The following BCAT2 variants were observed in gnomAD, a reference collection of about 807,000 sequenced individuals.
BCAT2 encodes the protein branched chain amino acid transaminase 2, also known as branched-chain-amino-acid aminotransferase, mitochondrial.
In BCAT2, 44 loss-of-function variants were observed where a neutral mutation model predicts 52.9. The observed-to-expected ratio is 0.83, with a 90% CI of 0.65 to 1.07. The LOEUF is 1.07. Ranked by LOEUF, BCAT2 falls within the 50% of genes least tolerant of loss-of-function variation. The probability of loss-of-function intolerance (pLI) is 0.00; values close to 1 mark genes in which losing one functional copy is unlikely to be tolerated. For missense variants in BCAT2, 478 were observed against 521.8 expected, an observed-to-expected ratio of 0.92 and a Z score of 0.82; for synonymous variants, 215 against 217.1, an observed-to-expected ratio of 0.99 and a Z score of 0.08.
intron 10 of BCAT2, among the ~76,000 whole-genome samples, 167 bp from the exon 11 acceptor site, chr19:48,795,631 G>C (rs1310860990): frequency 6.6e-6 from 1 of 152,108 alleles, no homozygotes; most frequent in Non-Finnish European, 1.5e-5. Context: ...GGGAATCAAG[G>C]CTAAGGCGGC....
rs1473276868 is a variant in BCAT2 at position 48,806,618 on chromosome 19, T to C, written c.199A>G (p.Met67Val). ...CAGCCCTTGTCATTCCATTCCACCA[T>C]CAGCATGTGGTCGGTAAATGTCTTC... ...FGKTFTDHML[M>V]VEWNDKGWGQ... The change falls in exon 3 of 11, where the codon ATG (methionine) becomes GTG (valine). Residue 67 changes from methionine to valine, a missense_variant. By Grantham distance (21) the Met-to-Val change is conservative (BLOSUM62 1). Coordinates refer to ENST00000316273, the MANE Select transcript of BCAT2 (RefSeq NM_001190.4). The C allele has an allele frequency of 6.2e-7, 1 of 1,614,146 alleles. No individual in the cohort carries two copies. The highest frequency in any genetic ancestry group is 8.5e-7 in the Non-Finnish European group (1 of 1,180,022).
intron 6 of BCAT2, chr19:48,797,636 C>T (rs76199083): frequency 0.062 from 20,161 of 324,494 alleles, 805 homozygotes; most frequent in Non-Finnish European, 0.079. Flanking sequence ...CTGCAACCTC[C>T]GCCTCCCAGG....
intron 6 of BCAT2, among the ~76,000 whole-genome samples, chr19:48,798,305 G>A (rs1373530372): frequency 6.6e-6 from 1 of 152,118 alleles, no homozygotes; most frequent in Non-Finnish European, 1.5e-5. Context: ...GGGCTACCTG[G>A]ATGACTTTCT....
intron 8 of BCAT2, 37 bp from the exon 9 acceptor site, chr19:48,796,755 G>C: frequency 8.8e-6 from 14 of 1,599,290 alleles, no homozygotes; most frequent in Non-Finnish European, 1.2e-5. Flanking sequence ...GTCCCCAGAG[G>C]GTTGCCCTGC....
At chr19:48,801,430 T>G (rs2034656005) in intron 3 of BCAT2, among the ~76,000 whole-genome samples, 1 of 151,782 alleles carries the variant, frequency 6.6e-6, no homozygotes, top group African/African-American at 2.4e-5. Flanking sequence ...TAAAACAGAG[T>G]GACACTGCTA....
At chr19:48,804,760 G>A (rs1184954139) in intron 3 of BCAT2, among the ~76,000 whole-genome samples, 1 of 152,042 alleles carries the variant, frequency 6.6e-6, no homozygotes, top group Non-Finnish European at 1.5e-5. Context: ...AAAAGTACTG[G>A]GTCCCCAGCC....
At position 48,799,305 on chromosome 19, in the gene BCAT2, G is replaced by A. The variant is rs142316922; in HGVS notation, c.695+370C>T. 7.3e-4 allele frequency: 142 copies of A among 195,724 alleles called. 1 individual carries two copies. The East Asian group carries it at 0.016, about 22-fold the overall frequency. The allele number at this position is 195,724 out of a possible 1,614,324, so 12.1% of individuals were successfully genotyped here. On this transcript the variant is annotated intron_variant, in intron 6 of 10. Coordinates refer to ENST00000316273, the MANE Select transcript of BCAT2 (RefSeq NM_001190.4). The surrounding 1 kb of genome is among the most constrained non-coding windows in gnomAD (Gnocchi z 5.5). ...GGCTTTGGAGGCTCAAACGACTGTGGGAGCTGGGTATGGGGAGCGCAGCCC... is the reference window on the plus strand; with the variant it reads ...GGCTTTGGAGGCTCAAACGACTGTGAGAGCTGGGTATGGGGAGCGCAGCCC...
At chr19:48,797,452 C>T in intron 6 of BCAT2, 119 bp from the exon 7 acceptor site, 1 of 1,271,158 alleles carries the variant, frequency 7.9e-7, no homozygotes, top group Non-Finnish European at 1.1e-6. Context: ...CACAGGGCTC[C>T]CCAGTTCCCC....
rs1186111189 is a variant in BCAT2, at chr19:48,807,651, C to T, written c.25-577G>A. ...ATCCAGGAGTACAGGCCCCACCCCT[C>T]CTCCCTCAGACCCAGGAGTCCAGTT... is the stretch of plus-strand genomic sequence containing the variant. On this transcript the variant is annotated intron_variant, in intron 1 of 10. Coordinates refer to ENST00000316273, the MANE Select transcript of BCAT2 (RefSeq NM_001190.4). This position sits in a 1 kb window ranked among gnomAD's most constrained non-coding sequence, Gnocchi z 4.6. 7 of 904,556 alleles carry T rather than the reference C, an allele frequency of 7.7e-6. No individual in the cohort carries two copies. The East Asian group carries it at 4.7e-4, about 61-fold the overall frequency. The allele number at this position is 904,556 out of a possible 1,614,324, so 56.0% of individuals were successfully genotyped here. A position where few individuals can be genotyped will look rare whatever the true frequency, so the allele number is the denominator to read the frequency against.
rs2034606020 is a variant in BCAT2, at chr19:48,799,522, G to A, written c.695+153C>T. ...CTTCCTTCCATGGTTTGTTTTCAGG[G>A]ACCAGGGAGGTCACTTAGCACTGAG... is the stretch of plus-strand genomic sequence containing the variant. On this transcript the variant is annotated intron_variant, in intron 6 of 10. Coordinates refer to ENST00000316273, the MANE Select transcript of BCAT2 (RefSeq NM_001190.4). The surrounding 1 kb of genome is among the most constrained non-coding windows in gnomAD (Gnocchi z 5.5). The A allele has an allele frequency of 1.0e-6, 1 of 963,554 alleles. No homozygotes were observed. Among genetic ancestry groups the A allele is most frequent in the Admixed American group, 3.8e-5 (1 of 26,456 alleles). 59.7% of individuals were successfully genotyped at this position (963,554 alleles called of 1,614,324 possible).
At chr19:48,796,122 C>A in intron 10 of BCAT2, 1 of 506,566 alleles carries the variant, frequency 2.0e-6, no homozygotes, top group East Asian at 3.1e-5. Context: ...GCCTCAGAGG[C>A]CCACGGAGAG....
rs765295680 is a variant in BCAT2 at position 48,800,235 on chromosome 19, C to T, written c.363G>A (p.Trp121Ter). The change falls in exon 4 of 11, where the codon TGG (tryptophan) becomes TGA (stop). Residue 121 changes from tryptophan (W) to a stop codon, truncating the protein, a stop_gained. Transcript: ENST00000316273. LOFTEE classifies it high-confidence loss of function. ...AGCGCAGCATCCGGTCCATGTTGAG[C>T]CAGGGGCGGAAGAGGCGCACCTGCT... ...KDQQVRLFRP[W>*]LNMDRMLRSA... is the part of the protein sequence containing the mutation. 1.9e-6 allele frequency: 3 copies of T among 1,613,728 alleles called. No homozygotes were observed. In the African/African-American group the frequency reaches 4.0e-5, roughly 22 times the overall value.
intron 3 of BCAT2, among the ~76,000 whole-genome samples, chr19:48,805,199 A>G (rs535875304): frequency 2.0e-5 from 3 of 152,240 alleles, no homozygotes; most frequent in South Asian, 4.1e-4. Flanking sequence ...AGCCGCAGCT[A>G]TAAGTCCTAA....
In BCAT2 at chr19:48,807,989, G is replaced by A; in HGVS notation, c.25-915C>T. ...CCCAGCCCTGTGGGGAGGCGTTGGG[G>A]CGTGAGGTTGAGAGAGACAGAGTGG... On this transcript the variant is annotated intron_variant, in intron 1 of 10. Transcript: ENST00000316273. The surrounding 1 kb of genome is among the most constrained non-coding windows in gnomAD (Gnocchi z 4.6). 2.0e-6 allele frequency: 2 copies of A among 986,144 alleles called. No individual in the cohort carries two copies. The highest frequency in any genetic ancestry group is 2.4e-6 in the Non-Finnish European group (2 of 830,332). The allele number at this position is 986,144 out of a possible 1,614,324, so 61.1% of individuals were successfully genotyped here. A position where few individuals can be genotyped will look rare whatever the true frequency, so the allele number is the denominator to read the frequency against.
chr19:48,803,847 C>T (rs996829860), intron 3 of BCAT2, among the ~76,000 whole-genome samples: 5 of 152,058 alleles, frequency 3.3e-5, no homozygotes, highest in African/African-American at 1.2e-4. Flanking sequence ...ACATTGCCTG[C>T]CACTGAATTA....
chr19:48,804,170 C>T (rs76109251), intron 3 of BCAT2, among the ~76,000 whole-genome samples: 946 of 44,156 alleles, frequency 0.021, 15 homozygotes, highest in Admixed American at 0.08. Context: ...AATAAATAAA[C>T]AAACAAACAA....
chr19:48,799,459 T>G lies in BCAT2; in HGVS notation c.695+216A>C. The stretch of plus-strand genomic sequence containing the variant: ...CCTCCACCCAATGCCTTCCCATCTG[T>G]GAGCCTTTTTGTCCATCTGAAAAAT... On this transcript the variant is annotated intron_variant, in intron 6 of 10. Coordinates refer to ENST00000316273, the MANE Select transcript of BCAT2 (RefSeq NM_001190.4). The surrounding 1 kb of genome is among the most constrained non-coding windows in gnomAD (Gnocchi z 5.5). The G allele has an allele frequency of 1.6e-6, 1 of 612,268 alleles. No homozygotes were observed. Among genetic ancestry groups the G allele is most frequent in the Non-Finnish European group, 2.6e-6 (1 of 386,206 alleles). 37.9% of individuals were successfully genotyped at this position (612,268 alleles called of 1,614,324 possible).
Position 48,799,383 on chromosome 19 carries a change from T to A in BCAT2, c.695+292A>T, listed in dbSNP as rs2034603668. The A allele has an allele frequency of 2.9e-6, 1 of 349,992 alleles. No homozygotes were observed. The highest frequency in any genetic ancestry group is 7.5e-5 in the South Asian group (1 of 13,296). 21.7% of individuals were successfully genotyped at this position (349,992 alleles called of 1,614,324 possible). Reference sequence around the variant, plus strand: ...GGGCGAGAAGCCAATGAGCTGAGTGTAAGCTTCACTCCTGGAGGCTTCCAG... The same window carrying A: ...GGGCGAGAAGCCAATGAGCTGAGTGAAAGCTTCACTCCTGGAGGCTTCCAG... On this transcript the variant is annotated intron_variant, in intron 6 of 10. Coordinates refer to ENST00000316273, the MANE Select transcript of BCAT2 (RefSeq NM_001190.4). This position sits in a 1 kb window ranked among gnomAD's most constrained non-coding sequence, Gnocchi z 5.5.
Position 48,797,002 on chromosome 19 carries a change from G to A in BCAT2, c.859C>T (p.Pro287Ser). 1 of 1,614,168 alleles carries A rather than the reference G, an allele frequency of 6.2e-7. No homozygotes were observed. Among genetic ancestry groups the A allele is most frequent in the Non-Finnish European group, 8.5e-7 (1 of 1,180,036 alleles). Residue 287 changes from proline to serine, a missense_variant, in exon 8 of 11, where the codon CCG becomes TCG. Coordinates refer to ENST00000316273, the MANE Select transcript of BCAT2 (RefSeq NM_001190.4). ...EDGVLELVTP[P>S]LNGVILPGVV... ...CCAGGCAGGATAACACCATTCAGCG[G>A]GGGCGTCACCAGCTCCAGCACTAGG...
Sources: allele counts gnomAD v4.1 joint callset (sites outside exome capture counted in the v4.1 genomes callset), GRCh38; gene constraint gnomAD v4.1.1; non-coding constraint Gnocchi (gnomAD v3.1); transcripts MANE v1.5; gene names NCBI Gene and HGNC (gene_info 2026-07-23, HGNC 2026-07-21).